The following RAD51B variants were observed in gnomAD, a reference collection of about 807,000 sequenced individuals.
RAD51B encodes RAD51 paralog B, also known as DNA repair protein RAD51 homolog 2.
In RAD51B, 38 loss-of-function variants were observed where a neutral mutation model predicts 42.2. The ratio of observed to expected loss-of-function variants is 0.90; its 90% CI spans 0.70 to 1.18. The LOEUF (loss-of-function observed/expected upper bound fraction) is 1.18. Among genes scored for constraint, RAD51B ranks in the 50% most tolerant of loss-of-function variants. RAD51B has a pLI of 0.00. For missense variants in RAD51B, 373 were observed against 400.7 expected (o/e 0.93, Z 0.59); for synonymous variants, 154 against 145.2 (o/e 1.06, Z -0.43).
chr14:67,875,987 T>C (rs2042713466), intron 5 of RAD51B, among the ~76,000 whole-genome samples: 1 of 152,190 alleles, frequency 6.6e-6, no homozygotes, highest in Non-Finnish European at 1.5e-5. Flanking sequence ...TTCATGACAC[T>C]GGGTAGGTTT....
At chr14:68,648,168 T>C (rs116814518) in intron 10 of RAD51B, among the ~76,000 whole-genome samples, 30,356 of 101,106 alleles carry the variant, frequency 0.3, 5,181 homozygotes, top group East Asian at 0.66. Flanking sequence ...TATATATATA[T>C]ACACACGTAT....
chr14:68,132,737 A>G (rs1444595453), intron 7 of RAD51B, among the ~76,000 whole-genome samples: 1 of 152,198 alleles, frequency 6.6e-6, no homozygotes, highest in Non-Finnish European at 1.5e-5. Flanking sequence ...CTTCTCTCAG[A>G]GTATTAGCTC....
At chr14:68,388,070 G>A (rs2083641547) in intron 8 of RAD51B, among the ~76,000 whole-genome samples, 1 of 116,568 alleles carries the variant, frequency 8.6e-6, no homozygotes, top group African/African-American at 4.1e-5. Flanking sequence ...GTGTGTGTGT[G>A]TGTGTGTGTA....
intron 7 of RAD51B, among the ~76,000 whole-genome samples, chr14:68,134,821 G>A (rs1191361716): frequency 6.6e-6 from 1 of 151,160 alleles, no homozygotes; most frequent in Admixed American, 6.6e-5. Flanking sequence ...TCGCATTCTA[G>A]ATACAAGTTC....
At chr14:68,376,158 A>T (rs1446057552) in intron 8 of RAD51B, among the ~76,000 whole-genome samples, 2 of 152,118 alleles carry the variant, frequency 1.3e-5, no homozygotes, top group African/African-American at 4.8e-5. Context: ...TGTTCACCTA[A>T]CTACCTTGAA....
At chr14:68,236,881 A>G (rs1037081059) in intron 7 of RAD51B, among the ~76,000 whole-genome samples, 1 of 152,170 alleles carries the variant, frequency 6.6e-6, no homozygotes, top group African/African-American at 2.4e-5. Context: ...CATCCACACA[A>G]AGGAGTGTCA....
At chr14:68,021,246 A>AGAGG (rs1299635678) in intron 7 of RAD51B, among the ~76,000 whole-genome samples, 1 of 152,204 alleles carries the variant, frequency 6.6e-6, no homozygotes, top group East Asian at 1.9e-4. Context: ...AGGGCAAAAG[A>AGAGG]GAGGGATAAA....
intron 8 of RAD51B, among the ~76,000 whole-genome samples, chr14:68,347,093 A>ATT (rs141008089): frequency 1.4e-5 from 2 of 146,782 alleles, no homozygotes; most frequent in Admixed American, 6.8e-5. Context: ...TCCTCAACAC[A>ATT]TTTTTTTTTT....
intron 7 of RAD51B, among the ~76,000 whole-genome samples, chr14:68,278,921 A>G (rs1021227950): frequency 6.6e-6 from 1 of 152,134 alleles, no homozygotes. Context: ...ATGATGTTGC[A>G]TGTGAAATGC....
At chr14:68,582,312 G>GA (rs1447118699) in intron 10 of RAD51B, among the ~76,000 whole-genome samples, 1 of 151,978 alleles carries the variant, frequency 6.6e-6, no homozygotes, top group African/African-American at 2.4e-5. Context: ...TAATTTACAA[G>GA]AAAAAAACAA....
At position 68,637,786 on chromosome 14, in the gene RAD51B, G is replaced by A. The variant is rs1035501161; in HGVS notation, c.1037-12995G>A. On this transcript the variant is annotated intron_variant, in intron 10 of 11. Transcript: ENST00000488612. ...CAGGAGTAGGAAGGGTCGGTCAGGC[G>A]TTCATGAGGACCTCTTCACATACAC... Among the ~76,000 whole-genome samples the A allele has an allele frequency of 1.4e-4, 21 of 152,282 alleles. No individual in the cohort carries two copies. The East Asian group carries it at 2.7e-3, about 20-fold the overall frequency.
At chr14:68,090,580 G>A (rs1301850910) in intron 7 of RAD51B, among the ~76,000 whole-genome samples, 3 of 151,840 alleles carry the variant, frequency 2.0e-5, no homozygotes, top group African/African-American at 7.3e-5. Context: ...TTTTTGGTTT[G>A]TACTTCAGGT....
At chr14:68,499,315 G>C (rs1024808620) in intron 10 of RAD51B, among the ~76,000 whole-genome samples, 2 of 152,294 alleles carry the variant, frequency 1.3e-5, no homozygotes, top group Admixed American at 1.3e-4. Flanking sequence ...CCCTGCCAAT[G>C]AGTAAAGAAT....
At chr14:68,318,525 AT>A (rs2082102438) in intron 8 of RAD51B, among the ~76,000 whole-genome samples, 1 of 152,206 alleles carries the variant, frequency 6.6e-6, no homozygotes, top group African/African-American at 2.4e-5. Flanking sequence ...AGTAAGGAAT[AT>A]TATTGACTTT....
intron 7 of RAD51B, among the ~76,000 whole-genome samples, chr14:68,016,805 C>T (rs1344082356): frequency 6.6e-6 from 1 of 152,092 alleles, no homozygotes; most frequent in Non-Finnish European, 1.5e-5. Context: ...TGGAAGCAAC[C>T]TAATTGTTTA....
intron 7 of RAD51B, among the ~76,000 whole-genome samples, chr14:68,074,616 T>C (rs1388878175): frequency 6.6e-6 from 1 of 152,188 alleles, no homozygotes; most frequent in African/African-American, 2.4e-5. Context: ...CTTTTAGAAT[T>C]GTCAGAGTTC....
At chr14:68,025,476 CTTTTT>C (rs765471138) in intron 7 of RAD51B, among the ~76,000 whole-genome samples, 5 of 40,972 alleles carry the variant, frequency 1.2e-4, no homozygotes, top group East Asian at 7.8e-4. Flanking sequence ...CTGGTCTAGG[CTTTTT>C]TTTTTTTTTT....
intron 9 of RAD51B, among the ~76,000 whole-genome samples, chr14:68,440,647 G>A (rs2085263518): frequency 6.6e-6 from 1 of 152,066 alleles, no homozygotes; most frequent in South Asian, 2.1e-4. Flanking sequence ...TTGGGAGGCT[G>A]AGGCAAGAGA....
chr14:67,872,984 C>A (rs1392270803), intron 5 of RAD51B, among the ~76,000 whole-genome samples: 1 of 152,146 alleles, frequency 6.6e-6, no homozygotes, highest in Non-Finnish European at 1.5e-5. Context: ...ACCATAAAAA[C>A]CCTAGAAGAA....
Sources: gnomAD v4.1 joint callset for allele counts (sites outside exome capture counted in the v4.1 genomes callset) on GRCh38, gnomAD v4.1.1 for gene constraint, MANE v1.5 for transcripts, NCBI Gene and HGNC (gene_info 2026-07-23, HGNC 2026-07-21) for gene names.